The following DRD3 variants were observed in gnomAD, a reference collection of about 807,000 sequenced individuals.
DRD3 encodes the protein dopamine receptor D3, also known as D(3) dopamine receptor.
A neutral mutation model predicts 36.3 loss-of-function variants in DRD3; 19 were observed. That is an observed-to-expected ratio of 0.52 (90% CI 0.36 to 0.77). The LOEUF (loss-of-function observed/expected upper bound fraction) is 0.77. Ranked by LOEUF, DRD3 falls within the 30% of genes least tolerant of loss-of-function variation. The pLI is 0.00. For synonymous variants in DRD3, 195 were observed against 203.7 expected, an observed-to-expected ratio of 0.96 and a Z score of 0.36; for missense variants, 465 against 505.3, an observed-to-expected ratio of 0.92 and a Z score of 0.77.
In DRD3 at chr3:114,171,706, A is replaced by G. The variant is rs2077843845; in HGVS notation, c.270+17T>C. The G allele has an allele frequency of 1.9e-6, 3 of 1,572,598 alleles. No homozygotes were observed. The East Asian group carries it at 6.8e-5, about 36-fold the overall frequency. Reference sequence around the variant, plus strand: ...TAGCACAGTCATAGAGACAACATGCACCTGAAGTCTACTCACCTCCAGGTA... The same window carrying G: ...TAGCACAGTCATAGAGACAACATGCGCCTGAAGTCTACTCACCTCCAGGTA... On this transcript the variant is annotated intron_variant, in intron 2 of 6. Coordinates refer to ENST00000383673, the MANE Select transcript of DRD3 (RefSeq NM_000796.6).
At chr3:114,159,653 C>A in intron 3 of DRD3, 102 bp downstream of exon 3, 1 of 858,142 alleles carries the variant, frequency 1.2e-6, no homozygotes, top group Non-Finnish European at 1.9e-6. Flanking sequence ...GTTCCAGTGT[C>A]AAGTTCTACT....
At chr3:114,143,591 G>A (rs1316862692) in intron 4 of DRD3, among the ~76,000 whole-genome samples, 1 of 152,156 alleles carries the variant, frequency 6.6e-6, no homozygotes, top group African/African-American at 2.4e-5. Context: ...CCAAAGACAT[G>A]CGGTGCCAAT....
chr3:114,195,739 G>T (rs900276797), intron 1 of DRD3, among the ~76,000 whole-genome samples: 1 of 151,942 alleles, frequency 6.6e-6, no homozygotes, highest in African/African-American at 2.4e-5. Flanking sequence ...TAAATATAAA[G>T]CATTTATATT....
chr3:114,142,596 T>C (rs1391134043), intron 4 of DRD3, among the ~76,000 whole-genome samples: 2 of 152,232 alleles, frequency 1.3e-5, no homozygotes, highest in African/African-American at 2.4e-5. Flanking sequence ...CTTGCAAGAA[T>C]ATTAATGTTT....
chr3:114,130,644 C>T (rs1465911941), intron 6 of DRD3, among the ~76,000 whole-genome samples: 3 of 152,154 alleles, frequency 2.0e-5, no homozygotes, highest in Non-Finnish European at 4.4e-5. Flanking sequence ...AGGATGGTCT[C>T]GATCTCCTGA....
chr3:114,164,220 C>CAAAAAAAAAAAAAAAAA (rs34500434), intron 2 of DRD3, among the ~76,000 whole-genome samples: 17 of 17,776 alleles, frequency 9.6e-4, no homozygotes, highest in East Asian at 3.1e-3. Context: ...GCCTCAGTCT[C>CAAAAAAAAAAAAAAAAA]AAAAAAAAAA....
In DRD3 at chr3:114,128,312, G is replaced by C. The variant is rs2077395602; in HGVS notation, c.*404C>G. Reference sequence around the variant, plus strand: ...CTGACAGTTAATTAGAGGTTTGAAGGAAGACAGACTGGCTGTTCTAGAAGG... The same window carrying C: ...CTGACAGTTAATTAGAGGTTTGAAGCAAGACAGACTGGCTGTTCTAGAAGG... On this transcript the variant is annotated 3_prime_UTR_variant, in exon 7 of 7. Coordinates refer to ENST00000383673, the MANE Select transcript of DRD3 (RefSeq NM_000796.6). Among the ~76,000 whole-genome samples, 1 of 152,192 alleles carries C rather than the reference G, an allele frequency of 6.6e-6. No homozygotes were observed. Among genetic ancestry groups the C allele is most frequent in the African/African-American group, 2.4e-5 (1 of 41,446 alleles).
At chr3:114,153,359 G>T (rs1300466122) in intron 3 of DRD3, among the ~76,000 whole-genome samples, 2 of 151,950 alleles carry the variant, frequency 1.3e-5, no homozygotes, top group African/African-American at 4.8e-5. Context: ...TATTGTGCTA[G>T]CTCAAGGGAT....
chr3:114,182,315 G>C (rs1225208135), upstream of DRD3, among the ~76,000 whole-genome samples: 1 of 150,898 alleles, frequency 6.6e-6, no homozygotes, highest in Non-Finnish European at 1.5e-5. Context: ...AAGAAAAATA[G>C]TTCAACTCAC....
chr3:114,197,277 A>ATTTTTT (rs58452737), intron 1 of DRD3, among the ~76,000 whole-genome samples: 25 of 89,366 alleles, frequency 2.8e-4, no homozygotes, highest in Admixed American at 7.5e-4. Flanking sequence ...AATTAAAAAA[A>ATTTTTT]TTTTTTTTTT....
rs530838559 is a variant in DRD3, at chr3:114,172,868, C to T, written c.-35-841G>A. Among the ~76,000 whole-genome samples, 426 of 152,040 alleles carry T rather than the reference C, an allele frequency of 2.8e-3. 3 individuals are homozygous for T. The highest frequency in any genetic ancestry group is 9.8e-3 in the African/African-American group (405 of 41,490). On this transcript the variant is annotated intron_variant, in intron 1 of 6. Transcript: ENST00000383673. ...CTAGGGGAAGACATAAGGCCTGTGA[C>T]TTAGGGAGTAACCCTGAAACCCAAG...
intron 3 of DRD3, among the ~76,000 whole-genome samples, 153 bp from the exon 4 acceptor site, chr3:114,147,710 A>C (rs999271962): frequency 1.3e-5 from 2 of 151,032 alleles, no homozygotes; most frequent in African/African-American, 4.9e-5. Flanking sequence ...CTGCAGTTCA[A>C]CTCCTGGGAT....
At chr3:114,141,127 G>A (rs951290677) in intron 4 of DRD3, among the ~76,000 whole-genome samples, 6 of 152,196 alleles carry the variant, frequency 3.9e-5, no homozygotes, top group Non-Finnish European at 8.8e-5. Flanking sequence ...CATCTCCCAG[G>A]TTCAAGCGAT....
At chr3:114,188,529 C>T (rs533542726) in intron 1 of DRD3, among the ~76,000 whole-genome samples, 3 of 152,294 alleles carry the variant, frequency 2.0e-5, no homozygotes, top group Admixed American at 6.5e-5. Flanking sequence ...AACACTTCTG[C>T]TTTTATAGAT....
rs1235961923 is a variant in DRD3, at chr3:114,190,451, TATATATATATA to T, written c.-156+8811_-156+8821del. On this transcript the variant is annotated intron_variant, in intron 1 of 7. Coordinates refer to the DRD3 transcript ENST00000460779. ...ATATATATATATATATATATATATA[TATATATATATA>T]TTTTTTTTTTTTTTTTTTTTTTTTT... Among the ~76,000 whole-genome samples, 32 of 14,204 alleles carry T rather than the reference TATATATATATA, an allele frequency of 2.3e-3. 1 individual carries two copies. Among genetic ancestry groups the T allele is most frequent in the South Asian group, 6.8e-3 (3 of 442 alleles). 9.3% of individuals were successfully genotyped at this position (14,204 alleles called of 152,430 possible). A position where few individuals can be genotyped will look rare whatever the true frequency, so the allele number is the denominator to read the frequency against.
In DRD3 at chr3:114,128,099, G is replaced by T. The variant is rs890901410; in HGVS notation, c.*617C>A. ...AAAGCTAAAATACAAGGGTAGCAAAGTTTGAAATGAAGCCCCCATCCCAAT... is the reference window on the plus strand; with the variant it reads ...AAAGCTAAAATACAAGGGTAGCAAATTTTGAAATGAAGCCCCCATCCCAAT... On this transcript the variant is annotated 3_prime_UTR_variant, in exon 7 of 7. Coordinates refer to ENST00000383673, the MANE Select transcript of DRD3 (RefSeq NM_000796.6). Among the ~76,000 whole-genome samples, 3 of 152,204 alleles carry T rather than the reference G, an allele frequency of 2.0e-5. No homozygotes were observed. Among genetic ancestry groups the T allele is most frequent in the African/African-American group, 7.2e-5 (3 of 41,452 alleles).
intron 1 of DRD3, among the ~76,000 whole-genome samples, chr3:114,198,862 C>T (rs1032910307): frequency 6.6e-6 from 1 of 152,156 alleles, no homozygotes; most frequent in East Asian, 1.9e-4. Context: ...CTCAGCCTCT[C>T]AAGTAGCTAG....
At chr3:114,138,253 TC>T (rs2077493004) in intron 5 of DRD3, among the ~76,000 whole-genome samples, 1 of 151,216 alleles carries the variant, frequency 6.6e-6, no homozygotes, top group Admixed American at 6.6e-5. Context: ...AAGATCAAAC[TC>T]AATTCTTACT....
intron 4 of DRD3, among the ~76,000 whole-genome samples, chr3:114,144,314 A>G (rs573395776): frequency 6.6e-6 from 1 of 152,368 alleles, no homozygotes; most frequent in South Asian, 2.1e-4. Context: ...TGTTGCACTT[A>G]TTAGTGAAAG....
Sources: allele counts gnomAD v4.1 joint callset (sites outside exome capture counted in the v4.1 genomes callset), GRCh38; gene constraint gnomAD v4.1.1; transcripts MANE v1.5; gene names NCBI Gene and HGNC (gene_info 2026-07-23, HGNC 2026-07-21).